The following SLC25A44 variants were observed in gnomAD, a reference collection of about 807,000 sequenced individuals.
The protein encoded by SLC25A44 is solute carrier family 25 member 44, also known as solute carrier family 25, member 44.
Under a neutral mutation model 29.9 loss-of-function variants are expected in SLC25A44, and 17 were observed. The observed-to-expected ratio is 0.57, with a 90% CI of 0.39 to 0.85. SLC25A44 has a LOEUF of 0.85. SLC25A44 is among the 40% of genes least tolerant of loss of function. The probability of loss-of-function intolerance (pLI) is 0.00; values close to 1 mark genes in which losing one functional copy is unlikely to be tolerated. For synonymous variants in SLC25A44, 140 were observed against 151.8 expected, an observed-to-expected ratio of 0.92 and a Z score of 0.57; for missense variants, 302 against 398.4, an observed-to-expected ratio of 0.76 and a Z score of 2.06.
Position 156,207,852 on chromosome 1 carries a change from G to A in SLC25A44, c.626-34G>A, listed in dbSNP as rs777868951. ...AGTGAGGGCAGACCGGTGGTGCTTT[G>A]TGTCTTTAGCCATTGTCTTTCCCTG... On this transcript the variant is annotated intron_variant, in intron 2 of 3. Coordinates refer to ENST00000359511, the MANE Select transcript of SLC25A44 (RefSeq NM_014655.4). The A allele has an allele frequency of 3.1e-6, 5 of 1,612,562 alleles. No homozygotes were observed. The South Asian group carries it at 3.3e-5, about 11-fold the overall frequency.
chr1:156,204,904 G>A (rs1245339101), intron 2 of SLC25A44, among the ~76,000 whole-genome samples: 1 of 152,120 alleles, frequency 6.6e-6, no homozygotes, highest in African/African-American at 2.4e-5. Flanking sequence ...TATAAGAACT[G>A]GGGGAGAGGT....
chr1:156,208,180 A>G (rs916842881), intron 3 of SLC25A44, among the ~76,000 whole-genome samples, 167 bp downstream of exon 3: 3 of 152,212 alleles, frequency 2.0e-5, no homozygotes, highest in African/African-American at 7.2e-5. Context: ...TGCAGAAGCC[A>G]GCCCACAGCC....
chr1:156,199,115 C>T (rs557589003), intron 1 of SLC25A44: 1 of 152,276 alleles, frequency 6.6e-6, no homozygotes, highest in East Asian at 1.9e-4. Context: ...CCCCACTTGC[C>T]CTCTCCTCTA....
intron 2 of SLC25A44, among the ~76,000 whole-genome samples, chr1:156,207,401 G>C (rs976788754): frequency 2.0e-5 from 3 of 152,094 alleles, no homozygotes; most frequent in East Asian, 1.9e-4. Flanking sequence ...GGATGGTCTT[G>C]ATCTCCTGAC....
Position 156,212,683 on chromosome 1 carries a change from AG to A in SLC25A44, c.*2253del, listed in dbSNP as rs1001711855. The A allele has an allele frequency of 2.1e-4, 46 of 217,604 alleles. 1 individual carries two copies. The highest frequency in any genetic ancestry group is 1.4e-3 in the South Asian group (19 of 13,918). 13.5% of individuals were successfully genotyped at this position (217,604 alleles called of 1,614,324 possible). A position where few individuals can be genotyped will look rare whatever the true frequency, so the allele number is the denominator to read the frequency against. Reference sequence around the variant, plus strand: ...CTGAGGAACAAGGGAATGAAAAGGCAGACTCTCTGAACGTTTGATGAAATGG... The same window carrying A: ...CTGAGGAACAAGGGAATGAAAAGGCAACTCTCTGAACGTTTGATGAAATGG... On this transcript the variant is annotated 3_prime_UTR_variant, in exon 4 of 4. Coordinates refer to ENST00000359511, the MANE Select transcript of SLC25A44 (RefSeq NM_014655.4).
At chr1:156,197,106 T>C (rs553446103) in intron 1 of SLC25A44, 4 of 152,204 alleles carry the variant, frequency 2.6e-5, no homozygotes, top group Non-Finnish European at 5.9e-5. Context: ...TCAATCCTGG[T>C]GTTTCTCTGT....
intron 2 of SLC25A44, 23 bp downstream of exon 2, chr1:156,200,495 G>A (rs759837666): frequency 1.3e-6 from 2 of 1,562,718 alleles, no homozygotes; most frequent in African/African-American, 1.4e-5. Context: ...CAGGACAGTG[G>A]GGGAGGAAGG....
At chr1:156,202,127 T>C (rs1164611624) in intron 2 of SLC25A44, among the ~76,000 whole-genome samples, 1 of 152,206 alleles carries the variant, frequency 6.6e-6, no homozygotes, top group African/African-American at 2.4e-5. Flanking sequence ...TGTGCTTGAC[T>C]ACTCCTTCTT....
chr1:156,199,801 T>C (rs1364572223), intron 1 of SLC25A44, 34 bp from the exon 2 acceptor site: 1 of 1,568,856 alleles, frequency 6.4e-7, no homozygotes, highest in Non-Finnish European at 8.7e-7. Context: ...TCCACCCTCC[T>C]TCTTCACATC....
chr1:156,204,071 G>A (rs1656775704), intron 2 of SLC25A44, among the ~76,000 whole-genome samples: 1 of 142,768 alleles, frequency 7.0e-6, no homozygotes, highest in South Asian at 2.2e-4. Flanking sequence ...ACAATGGCAT[G>A]ATCCTGGCTC....
At chr1:156,208,404 T>C (rs1020192709) in intron 3 of SLC25A44, among the ~76,000 whole-genome samples, 1 of 152,074 alleles carries the variant, frequency 6.6e-6, no homozygotes, top group Non-Finnish European at 1.5e-5. Flanking sequence ...GAGGTGTAGG[T>C]TGCATTGAGC....
At chr1:156,207,393 A>C (rs950606614) in intron 2 of SLC25A44, among the ~76,000 whole-genome samples, 1 of 152,036 alleles carries the variant, frequency 6.6e-6, no homozygotes, top group African/African-American at 2.4e-5. Flanking sequence ...GTTAGCCAGG[A>C]TGGTCTTGAT....
Position 156,210,539 on chromosome 1 carries a change from C to A in SLC25A44, c.*108C>A. On this transcript the variant is annotated 3_prime_UTR_variant, in exon 4 of 4. Transcript: ENST00000359511. ...TGCTCCCACCACACACCCAGCCCTG[C>A]CCTGGGCCAAGTGGCCTATCTGGGA... The A allele has an allele frequency of 1.3e-6, 1 of 772,896 alleles. No homozygotes were observed. The highest frequency in any genetic ancestry group is 2.0e-6 in the Non-Finnish European group (1 of 509,022). The allele number at this position is 772,896 out of a possible 1,614,324, so 47.9% of individuals were successfully genotyped here. A position where few individuals can be genotyped will look rare whatever the true frequency, so the allele number is the denominator to read the frequency against.
chr1:156,197,251 C>T (rs1344350082), intron 1 of SLC25A44: 2 of 152,178 alleles, frequency 1.3e-5, no homozygotes, highest in Non-Finnish European at 2.9e-5. Flanking sequence ...TTAGTGGGTC[C>T]CCCAGGCTGA....
intron 2 of SLC25A44, 39 bp from the exon 3 acceptor site, chr1:156,207,847 G>A: frequency 6.2e-7 from 1 of 1,612,212 alleles, no homozygotes. Flanking sequence ...GACCGGTGGT[G>A]CTTTGTGTCT....
intron 2 of SLC25A44, among the ~76,000 whole-genome samples, chr1:156,204,545 G>A (rs1199016476): frequency 3.3e-5 from 5 of 151,860 alleles, no homozygotes; most frequent in African/African-American, 1.2e-4. Flanking sequence ...GGAGTGCAAT[G>A]GCATGATCTT....
At chr1:156,203,163 T>C (rs980707919) in intron 2 of SLC25A44, among the ~76,000 whole-genome samples, 3 of 152,338 alleles carry the variant, frequency 2.0e-5, no homozygotes. Flanking sequence ...GTTCCTGGTA[T>C]ACATCAGGCT....
intron 2 of SLC25A44, among the ~76,000 whole-genome samples, chr1:156,205,641 A>C (rs1405332151): frequency 6.6e-6 from 1 of 152,194 alleles, no homozygotes; most frequent in African/African-American, 2.4e-5. Context: ...GAGAGGTCTC[A>C]GAAAATAAAA....
chr1:156,197,756 GAA>G (rs1165933388), intron 1 of SLC25A44: 2 of 146,260 alleles, frequency 1.4e-5, no homozygotes, highest in East Asian at 2.0e-4. Context: ...GACTCCGTCT[GAA>G]AAAAAAAACA....
Sources: gnomAD v4.1 joint callset for allele counts (sites outside exome capture counted in the v4.1 genomes callset) on GRCh38, gnomAD v4.1.1 for gene constraint, MANE v1.5 for transcripts, NCBI Gene and HGNC (gene_info 2026-07-23, HGNC 2026-07-21) for gene names.